Variants in FAM227A observed in about 807,000 individuals in gnomAD.
FAM227A encodes protein FAM227A.
A neutral mutation model predicts 74.7 loss-of-function variants in FAM227A; 80 were observed. The ratio of observed to expected loss-of-function variants is 1.07; its 90% CI spans 0.89 to 1.29. The LOEUF (loss-of-function observed/expected upper bound fraction) is 1.29, where lower values mean the gene tolerates loss of function less well. FAM227A is among the 50% of genes most tolerant of loss of function. The probability of loss-of-function intolerance (pLI) is 0.00; values close to 1 mark genes in which losing one functional copy is unlikely to be tolerated. For missense variants in FAM227A, 654 were observed against 683.4 expected, an observed-to-expected ratio of 0.96 and a Z score of 0.48; for synonymous variants, 237 against 241.8, an observed-to-expected ratio of 0.98 and a Z score of 0.19.
At chr22:38,615,997 G>A (rs2091567869) in intron 11 of FAM227A, among the ~76,000 whole-genome samples, 2 of 152,162 alleles carry the variant, frequency 1.3e-5, no homozygotes, top group South Asian at 4.1e-4. Flanking sequence ...CCAGGGCGAA[G>A]GTGGGTCACT....
rs751226372 is a variant in FAM227A, at chr22:38,597,282, T to C, written c.1454A>G (p.Asn485Ser). The change falls in exon 15 of 17, where the codon AAT becomes AGT. Residue 485 changes from asparagine (N) to serine (S), a missense_variant. Asn to Ser is a conservative substitution (Grantham distance 46, BLOSUM62 1). Coordinates refer to ENST00000535113, the MANE Select transcript of FAM227A (RefSeq NM_001013647.2). ...CSMKKRKDNL[N>S]QLYQHHWTEW... ...AGTCCAATGATGCTGGTACAACTGATTGAGGTTGTCTTTCCGCTTCTTCAT... is the reference window on the plus strand; with the variant it reads ...AGTCCAATGATGCTGGTACAACTGACTGAGGTTGTCTTTCCGCTTCTTCAT... 128 of 1,551,652 alleles carry C rather than the reference T, an allele frequency of 8.2e-5. 1 individual carries two copies. Among genetic ancestry groups the C allele is most frequent in the East Asian group, 2.2e-4 (9 of 40,932 alleles).
In FAM227A at chr22:38,599,992, G is replaced by A. The variant is rs1195617242; in HGVS notation, c.1222-71C>T. On this transcript the variant is annotated intron_variant, in intron 13 of 16. Coordinates refer to ENST00000535113, the MANE Select transcript of FAM227A (RefSeq NM_001013647.2). Reference sequence around the variant, plus strand: ...ACAGTCTGTATTAAGAACCAGAAAGGCATCAAAGCACTCATGTCCTTTGAT... The same window carrying A: ...ACAGTCTGTATTAAGAACCAGAAAGACATCAAAGCACTCATGTCCTTTGAT... 5 of 1,335,996 alleles carry A rather than the reference G, an allele frequency of 3.7e-6. No individual in the cohort carries two copies. The African/African-American group carries it at 4.5e-5, about 12-fold the overall frequency. 82.8% of individuals were successfully genotyped at this position (1,335,996 alleles called of 1,614,324 possible).
At chr22:38,619,417 G>A (rs1003673440) in intron 11 of FAM227A, among the ~76,000 whole-genome samples, 14 of 152,236 alleles carry the variant, frequency 9.2e-5, no homozygotes, top group African/African-American at 2.2e-4. Flanking sequence ...TCTGCCTCCC[G>A]GGTTCAAGCA....
chr22:38,616,276 G>A (rs1271624456), intron 11 of FAM227A, among the ~76,000 whole-genome samples: 2 of 152,204 alleles, frequency 1.3e-5, no homozygotes, highest in East Asian at 3.8e-4. Flanking sequence ...AGCCAGTGGG[G>A]TCCCCGCGCT....
intron 11 of FAM227A, among the ~76,000 whole-genome samples, chr22:38,613,042 T>TTA (rs890722044): frequency 1.7e-5 from 2 of 116,794 alleles, no homozygotes; most frequent in African/African-American, 3.4e-5. Flanking sequence ...AAATATATTT[T>TTA]TATATATATA....
At chr22:38,594,508 G>C (rs1275422634) in intron 15 of FAM227A, among the ~76,000 whole-genome samples, 1 of 152,190 alleles carries the variant, frequency 6.6e-6, no homozygotes, top group African/African-American at 2.4e-5. Flanking sequence ...ATAGAGGGAG[G>C]TTTTTCTTGG....
At chr22:38,623,070 T>C (rs1228471529) in intron 10 of FAM227A, 102 bp downstream of exon 10, 2 of 794,850 alleles carry the variant, frequency 2.5e-6, no homozygotes, top group African/African-American at 1.7e-5. Flanking sequence ...GAGAGAGAAC[T>C]TGACCTGAGG....
intron 3 of FAM227A, among the ~76,000 whole-genome samples, chr22:38,643,200 C>T (rs1443792651): frequency 2.6e-5 from 4 of 151,632 alleles, no homozygotes; most frequent in Non-Finnish European, 5.9e-5. Flanking sequence ...CCTGTAATCC[C>T]AGCTACTCAG....
intron 15 of FAM227A, among the ~76,000 whole-genome samples, chr22:38,595,978 G>A (rs931569267): frequency 1.3e-4 from 19 of 150,734 alleles, no homozygotes; most frequent in African/African-American, 4.6e-4. Flanking sequence ...TAAGGGGGGG[G>A]GGGCAGGATA....
At chr22:38,597,447 G>A (rs2091072471) in intron 14 of FAM227A, 91 bp from the exon 15 acceptor site, 70 of 1,271,788 alleles carry the variant, frequency 5.5e-5, no homozygotes, top group Non-Finnish European at 7.8e-5. Context: ...GGGGAAGAGG[G>A]GCATGGAGGA....
intron 15 of FAM227A, among the ~76,000 whole-genome samples, chr22:38,592,683 A>G (rs904365100): frequency 1.6e-4 from 24 of 152,222 alleles, no homozygotes; most frequent in African/African-American, 5.1e-4. Flanking sequence ...CCCTGTCACT[A>G]TGAACTTTCA....
chr22:38,646,438 A>T, intron 2 of FAM227A, among the ~76,000 whole-genome samples: 1 of 138,480 alleles, frequency 7.2e-6, no homozygotes. Flanking sequence ...TTTTTTTTGT[A>T]TTTTTAGTAG....
At chr22:38,617,317 A>G (rs1453414329) in intron 11 of FAM227A, among the ~76,000 whole-genome samples, 2 of 135,120 alleles carry the variant, frequency 1.5e-5, no homozygotes, top group African/African-American at 2.8e-5. Flanking sequence ...TTTTTTTGAG[A>G]CAGAGTCTTG....
intron 11 of FAM227A, among the ~76,000 whole-genome samples, chr22:38,612,628 C>T (rs2091438498): frequency 6.6e-6 from 1 of 152,134 alleles, no homozygotes; most frequent in Non-Finnish European, 1.5e-5. Context: ...CACCTAGGCT[C>T]TACCTGCAGA....
intron 14 of FAM227A, among the ~76,000 whole-genome samples, chr22:38,598,757 T>C (rs1034830728): frequency 5.3e-5 from 8 of 152,080 alleles, no homozygotes; most frequent in African/African-American, 7.2e-5. Flanking sequence ...TTATCCCTAT[T>C]TTACAGGTGA....
Position 38,597,368 on chromosome 22 carries a change from T to C in FAM227A, c.1380-12A>G. The C allele has an allele frequency of 1.9e-6, 3 of 1,551,570 alleles. No individual in the cohort carries two copies. Among genetic ancestry groups the C allele is most frequent in the Non-Finnish European group, 2.6e-6 (3 of 1,146,866 alleles). The stretch of plus-strand genomic sequence containing the variant: ...TTGGGGTGCAGTCAGTGGCTTCCGC[T>C]GTCAAGGAAATCCCCGTACTGTGGA... On this transcript the variant is annotated splice_polypyrimidine_tract_variant and intron_variant, in intron 14 of 16. Transcript: ENST00000535113.
At chr22:38,587,492 C>G (rs2090835292) in intron 16 of FAM227A, among the ~76,000 whole-genome samples, 2 of 151,890 alleles carry the variant, frequency 1.3e-5, no homozygotes, top group African/African-American at 4.8e-5. Context: ...AAATGGAAAA[C>G]TAGAAATACA....
chr22:38,593,362 G>A (rs529808035), intron 15 of FAM227A, among the ~76,000 whole-genome samples: 16 of 152,190 alleles, frequency 1.1e-4, no homozygotes, highest in East Asian at 5.8e-4. Context: ...AAAATTAGCC[G>A]GGCATGGTGG....
intron 11 of FAM227A, among the ~76,000 whole-genome samples, chr22:38,613,781 T>C (rs1443411126): frequency 6.6e-6 from 1 of 152,204 alleles, no homozygotes; most frequent in Non-Finnish European, 1.5e-5. Context: ...TAAGATCATA[T>C]TTAACGCCCA....
Sources: allele counts gnomAD v4.1 joint callset (sites outside exome capture counted in the v4.1 genomes callset), GRCh38; gene constraint gnomAD v4.1.1; transcripts MANE v1.5; gene names NCBI Gene and HGNC (gene_info 2026-07-23, HGNC 2026-07-21).